GULP1: variants seen among roughly 807,000 people sequenced by gnomAD.
GULP1 encodes GULP PTB domain containing engulfment adaptor 1.
Under a neutral mutation model 40.9 loss-of-function variants are expected in GULP1, and 19 were observed. The observed-to-expected ratio is 0.46, with a 90% CI of 0.32 to 0.68. GULP1 has a LOEUF of 0.68. GULP1 is among the 30% of genes least tolerant of loss of function. The pLI is 0.03. For missense variants in GULP1, 312 were observed against 362.2 expected (o/e 0.86, Z 1.12); for synonymous variants, 119 against 117.6 (o/e 1.01, Z -0.08).
rs964529383 is a variant in GULP1, at chr2:188,350,010, A to G, written c.-171-33753A>G. ...GTCTTGGCACCTTTGCAAAAAATCA[A>G]TTGGCTATACATATAAGGGTTTATT... is the stretch of plus-strand genomic sequence containing the variant. On this transcript the variant is annotated intron_variant, in intron 1 of 11. Transcript: ENST00000409830. Among the ~76,000 whole-genome samples the G allele has an allele frequency of 4.6e-5, 7 of 152,160 alleles. No homozygotes were observed. In the South Asian group the frequency reaches 1.2e-3, roughly 27 times the overall value.
At chr2:188,457,491 C>T (rs1022210846) in intron 2 of GULP1, among the ~76,000 whole-genome samples, 23 of 152,116 alleles carry the variant, frequency 1.5e-4, no homozygotes, top group African/African-American at 5.6e-4. Context: ...GCTCCTGTTG[C>T]CATGATTGTG....
intron 4 of GULP1, among the ~76,000 whole-genome samples, chr2:188,488,591 T>G (rs2153084261): frequency 6.6e-6 from 1 of 152,130 alleles, no homozygotes; most frequent in Non-Finnish European, 1.5e-5. Context: ...ACTTAGAATG[T>G]GTATCAGGTA....
At chr2:188,584,612 C>T (rs542927473) in intron 10 of GULP1, among the ~76,000 whole-genome samples, 1 of 152,018 alleles carries the variant, frequency 6.6e-6, no homozygotes, top group South Asian at 2.1e-4. Flanking sequence ...CTGCTTGCAA[C>T]TTTTACCTAT....
chr2:188,508,789 A>G (rs375261573), intron 4 of GULP1, among the ~76,000 whole-genome samples: 1 of 152,086 alleles, frequency 6.6e-6, no homozygotes, highest in Non-Finnish European at 1.5e-5. Flanking sequence ...CTGGAACCAA[A>G]TAATACACAC....
chr2:188,538,920 A>G (rs1247510802), intron 6 of GULP1, among the ~76,000 whole-genome samples: 1 of 152,162 alleles, frequency 6.6e-6, no homozygotes, highest in Admixed American at 6.6e-5. Context: ...ATAGTTAAAC[A>G]TACATATATG....
At chr2:188,507,048 C>A (rs2063986407) in intron 4 of GULP1, among the ~76,000 whole-genome samples, 1 of 151,880 alleles carries the variant, frequency 6.6e-6, no homozygotes. Context: ...TTTGCCAGAC[C>A]ATCCACCCAC....
At chr2:188,472,184 G>A (rs1172670117) in intron 2 of GULP1, among the ~76,000 whole-genome samples, 1 of 151,876 alleles carries the variant, frequency 6.6e-6, no homozygotes, top group African/African-American at 2.4e-5. Context: ...CCTTTCTTTT[G>A]TTGATTTTAG....
At chr2:188,376,252 A>G (rs181542694) in intron 1 of GULP1, among the ~76,000 whole-genome samples, 249 of 152,374 alleles carry the variant, frequency 1.6e-3, no homozygotes, top group Non-Finnish European at 2.7e-3. Flanking sequence ...GACAAATACA[A>G]TTTTAATCAT....
At chr2:188,525,713 C>T (rs935511419) in intron 5 of GULP1, among the ~76,000 whole-genome samples, 5 of 152,130 alleles carry the variant, frequency 3.3e-5, no homozygotes, top group African/African-American at 1.2e-4. Flanking sequence ...TGCAGTACAA[C>T]TAAATTAAAG....
chr2:188,382,038 T>G (rs2152499881), intron 1 of GULP1, among the ~76,000 whole-genome samples: 1 of 152,328 alleles, frequency 6.6e-6, no homozygotes, highest in Non-Finnish European at 1.5e-5. Flanking sequence ...TATACTGTGC[T>G]AATATTTTAA....
At chr2:188,329,722 G>T (rs1347390616) in intron 1 of GULP1, among the ~76,000 whole-genome samples, 1 of 152,120 alleles carries the variant, frequency 6.6e-6, no homozygotes, top group Non-Finnish European at 1.5e-5. Flanking sequence ...ATGGAAGCAG[G>T]GAGGCCAGTT....
In GULP1 at chr2:188,292,617, T is replaced by A. The variant is rs1210846368; in HGVS notation, c.-172+451T>A. ...GATCAGACTGGGCTGAGCAGGCAAG[T>A]CATCGTCGGGTCACAGCGAGGCGAC... On this transcript the variant is annotated intron_variant, in intron 1 of 11. Coordinates refer to ENST00000409830, the MANE Select transcript of GULP1 (RefSeq NM_016315.4). This position sits in a 1 kb window ranked among gnomAD's most constrained non-coding sequence, Gnocchi z 4.0. 6.6e-6 allele frequency among the ~76,000 whole-genome samples: 1 copy of A among 152,074 alleles called. No homozygotes were observed. Among genetic ancestry groups the A allele is most frequent in the Non-Finnish European group, 1.5e-5 (1 of 68,008 alleles).
chr2:188,417,735 G>A (rs945407550), intron 2 of GULP1, among the ~76,000 whole-genome samples: 3 of 152,078 alleles, frequency 2.0e-5, no homozygotes, highest in Non-Finnish European at 4.4e-5. Context: ...TTGACAAAGA[G>A]TAGATTTTTA....
intron 9 of GULP1, among the ~76,000 whole-genome samples, chr2:188,579,112 A>G (rs1157174399): frequency 6.6e-6 from 1 of 152,192 alleles, no homozygotes; most frequent in Non-Finnish European, 1.5e-5. Context: ...AGGGAATTAC[A>G]TATAACATCT....
intron 5 of GULP1, among the ~76,000 whole-genome samples, chr2:188,524,548 CAT>C (rs1685644131): frequency 6.9e-6 from 1 of 145,334 alleles, no homozygotes; most frequent in South Asian, 2.1e-4. Context: ...GGTAATGATT[CAT>C]ACACTAATGA....
chr2:188,515,038 T>C (rs370992856), intron 4 of GULP1, among the ~76,000 whole-genome samples: 1 of 152,226 alleles, frequency 6.6e-6, no homozygotes, highest in African/African-American at 2.4e-5. Flanking sequence ...ACTTGAACAT[T>C]AGTATTCATT....
intron 1 of GULP1, among the ~76,000 whole-genome samples, chr2:188,346,893 C>G (rs1007933049): frequency 1.3e-5 from 2 of 151,064 alleles, no homozygotes; most frequent in African/African-American, 4.9e-5. Context: ...ATAGCTGGAA[C>G]CCGGGAGGCA....
intron 4 of GULP1, among the ~76,000 whole-genome samples, chr2:188,510,952 C>A (rs1399805797): frequency 1.3e-5 from 2 of 151,946 alleles, no homozygotes; most frequent in Non-Finnish European, 2.9e-5. Context: ...TGGGTTGGTT[C>A]TTTTTATTTG....
chr2:188,522,321 GAAA>G (rs1181506918), intron 4 of GULP1, among the ~76,000 whole-genome samples: 2 of 151,152 alleles, frequency 1.3e-5, no homozygotes, highest in Non-Finnish European at 3.0e-5. Context: ...AGAGACGTGA[GAAA>G]AAAAAGAAAT....
Sources: gnomAD v4.1 joint callset for allele counts (sites outside exome capture counted in the v4.1 genomes callset) on GRCh38, gnomAD v4.1.1 for gene constraint, Gnocchi (gnomAD v3.1) non-coding constraint, MANE v1.5 for transcripts, NCBI Gene and HGNC (gene_info 2026-07-23, HGNC 2026-07-21) for gene names.